Variants in DMGDH observed in about 807,000 individuals in gnomAD.
DMGDH encodes the protein dimethylglycine dehydrogenase, mitochondrial.
In DMGDH, 76 loss-of-function variants were observed where a neutral mutation model predicts 95.2. The ratio of observed to expected loss-of-function variants is 0.80; its 90% CI spans 0.66 to 0.97. DMGDH has a LOEUF of 0.97. Ranked by LOEUF, DMGDH falls within the 50% of genes least tolerant of loss-of-function variation. The pLI is 0.00. For synonymous variants in DMGDH, 345 were observed against 377.6 expected (o/e 0.91, Z 1.00); for missense variants, 987 against 1,055.0 (o/e 0.94, Z 0.89).
At position 79,046,056 on chromosome 5, in the gene DMGDH, G is replaced by GTGTTTTGTTTTGTTT. The variant is rs71974072; in HGVS notation, c.746-1519_746-1505dup. On this transcript the variant is annotated intron_variant, in intron 5 of 15. Coordinates refer to ENST00000255189, the MANE Select transcript of DMGDH (RefSeq NM_013391.3). ...CTGTGGGCATCAGAGCTATTTGCCG[G>GTGTTTTGTTTTGTTT]TGTTTTGTTTTGTTTTGTTTTGTTT... Among the ~76,000 whole-genome samples, 641 of 147,824 alleles carry GTGTTTTGTTTTGTTT rather than the reference G, an allele frequency of 4.3e-3. 3 individuals are homozygous for GTGTTTTGTTTTGTTT. Among genetic ancestry groups the GTGTTTTGTTTTGTTT allele is most frequent in the African/African-American group, 0.01 (408 of 40,112 alleles).
chr5:79,024,807 G>A (rs1753954182), intron 13 of DMGDH, among the ~76,000 whole-genome samples: 1 of 152,248 alleles, frequency 6.6e-6, no homozygotes, highest in South Asian at 2.1e-4. Context: ...GTTTGAATCT[G>A]TATCTCTTCA....
At chr5:79,027,446 G>A (rs1754033705) in intron 12 of DMGDH, among the ~76,000 whole-genome samples, 1 of 152,178 alleles carries the variant, frequency 6.6e-6, no homozygotes, top group South Asian at 2.1e-4. Context: ...GTTTCCCAAG[G>A]TGGAGGGCTC....
chr5:79,033,887 G>A (rs7703917), intron 7 of DMGDH, among the ~76,000 whole-genome samples: 1 of 152,112 alleles, frequency 6.6e-6, no homozygotes, highest in Non-Finnish European at 1.5e-5. Context: ...AGCCATATTC[G>A]CACCACTGCA....
intron 14 of DMGDH, among the ~76,000 whole-genome samples, chr5:79,019,693 TGG>T (rs1273155308): frequency 6.6e-6 from 1 of 152,108 alleles, no homozygotes; most frequent in East Asian, 1.9e-4. Flanking sequence ...AAGACCAACC[TGG>T]CCAACAAGGT....
chr5:79,047,134 GA>G (rs1754701060), intron 5 of DMGDH, among the ~76,000 whole-genome samples: 1 of 152,056 alleles, frequency 6.6e-6, no homozygotes, highest in Non-Finnish European at 1.5e-5. Context: ...ACTCCTGCCT[GA>G]TCACCCACCC....
chr5:79,035,696 G>A (rs1754328664), intron 7 of DMGDH, among the ~76,000 whole-genome samples: 1 of 138,152 alleles, frequency 7.2e-6, no homozygotes, highest in Non-Finnish European at 1.6e-5. Context: ...ATGCACATGA[G>A]CAAATAAATG....
chr5:79,005,419 C>G lies in DMGDH; in HGVS notation c.2251-12G>C. 1 of 1,613,992 alleles carries G rather than the reference C, an allele frequency of 6.2e-7. No homozygotes were observed. On this transcript the variant is annotated splice_polypyrimidine_tract_variant and intron_variant, in intron 14 of 15. Coordinates refer to ENST00000255189, the MANE Select transcript of DMGDH (RefSeq NM_013391.3). ...ATGAAGTCTGCTGGCTGCAGGAATC[C>G]AAGATAATGATGATGAATGAATGCT...
intron 15 of DMGDH, chr5:79,001,144 G>T: frequency 1.9e-6 from 1 of 516,264 alleles, no homozygotes; most frequent in Admixed American, 3.0e-5. Context: ...CAGCTCTGCG[G>T]CTGCACCTAA....
At chr5:79,037,716 C>A (rs941646584) in intron 7 of DMGDH, among the ~76,000 whole-genome samples, 1 of 152,144 alleles carries the variant, frequency 6.6e-6, no homozygotes, top group African/African-American at 2.4e-5. Flanking sequence ...CTTTCTTTAG[C>A]AATTAGTTAA....
intron 7 of DMGDH, 123 bp from the exon 8 acceptor site, chr5:79,033,531 A>T: frequency 8.4e-7 from 1 of 1,189,576 alleles, no homozygotes; most frequent in South Asian, 1.3e-5. Context: ...CACACAAGTA[A>T]CATAATCTCT....
chr5:79,031,690 G>T (rs1021110829), intron 9 of DMGDH, among the ~76,000 whole-genome samples: 1 of 152,188 alleles, frequency 6.6e-6, no homozygotes, highest in African/African-American at 2.4e-5. Context: ...ATTACTAAAG[G>T]TCCTTTCTGC....
intron 6 of DMGDH, among the ~76,000 whole-genome samples, chr5:79,042,986 C>T (rs867185878): frequency 4.1e-4 from 62 of 152,296 alleles, no homozygotes; most frequent in Admixed American, 3.7e-3. Flanking sequence ...GGTGTGGAGG[C>T]CTCCTTCCTC....
Position 79,069,584 on chromosome 5 carries a change from G to A in DMGDH, c.37C>T (p.Leu13=). Residue 13 remains leucine, a synonymous_variant, in exon 1 of 16, where the codon CTG becomes TTG. Transcript: ENST00000255189. ...RPGAQLLRGL[L]LRSCPLQGSP... is the part of the protein sequence containing the mutation. ...CCCTGCAGCGGGCAGCTCCGCAGCA[G>A]GAGGCCCCGCAGCAGCTGCGCGCCG... 1 of 1,361,044 alleles carries A rather than the reference G, an allele frequency of 7.3e-7. No individual in the cohort carries two copies. Among genetic ancestry groups the A allele is most frequent in the South Asian group, 1.8e-5 (1 of 54,596 alleles). 84.3% of individuals were successfully genotyped at this position (1,361,044 alleles called of 1,614,324 possible). A position where few individuals can be genotyped will look rare whatever the true frequency, so the allele number is the denominator to read the frequency against.
At chr5:79,031,734 C>A (rs1350009015) in intron 9 of DMGDH, among the ~76,000 whole-genome samples, 1 of 152,208 alleles carries the variant, frequency 6.6e-6, no homozygotes, top group Non-Finnish European at 1.5e-5. Flanking sequence ...GGTATTTTAA[C>A]TTCAGAGCAG....
chr5:79,008,971 G>A (rs951834624), intron 14 of DMGDH, among the ~76,000 whole-genome samples: 6 of 152,010 alleles, frequency 3.9e-5, no homozygotes, highest in South Asian at 2.1e-4. Flanking sequence ...GTTACATGAC[G>A]AGATAAACCT....
intron 14 of DMGDH, among the ~76,000 whole-genome samples, chr5:79,023,421 A>G (rs1179889029): frequency 6.6e-6 from 1 of 152,200 alleles, no homozygotes; most frequent in Non-Finnish European, 1.5e-5. Context: ...GCTTGTACAG[A>G]TGAGCTTGGC....
At chr5:79,020,634 C>T in intron 14 of DMGDH, 1 of 957,828 alleles carries the variant, frequency 1.0e-6, no homozygotes, top group South Asian at 4.8e-5. Context: ...AAAAGAGACC[C>T]TGCATTTTCT....
At chr5:79,017,837 G>A (rs1021840975) in intron 14 of DMGDH, among the ~76,000 whole-genome samples, 3 of 152,050 alleles carry the variant, frequency 2.0e-5, no homozygotes, top group Non-Finnish European at 4.4e-5. Context: ...TTTTTCTATA[G>A]GCAGTTTCCA....
chr5:79,063,378 G>A (rs547595961), intron 2 of DMGDH, among the ~76,000 whole-genome samples: 2 of 152,062 alleles, frequency 1.3e-5, no homozygotes, highest in South Asian at 2.1e-4. Flanking sequence ...GTCACACAAG[G>A]GTAGAAAATT....
Sources: gnomAD v4.1 joint callset for allele counts (sites outside exome capture counted in the v4.1 genomes callset) on GRCh38, gnomAD v4.1.1 for gene constraint, MANE v1.5 for transcripts, NCBI Gene and HGNC (gene_info 2026-07-23, HGNC 2026-07-21) for gene names.